The following ARHGAP28 variants were observed in gnomAD, a reference collection of about 807,000 sequenced individuals.
ARHGAP28 encodes the protein Rho GTPase activating protein 28, also known as rho GTPase-activating protein 28.
Under a neutral mutation model 90.7 loss-of-function variants are expected in ARHGAP28, and 56 were observed. That is an observed-to-expected ratio of 0.62 (90% CI 0.50 to 0.77). ARHGAP28 has a LOEUF of 0.77. Ranked by LOEUF, ARHGAP28 falls within the 30% of genes least tolerant of loss-of-function variation. The pLI, the probability that ARHGAP28 is intolerant of heterozygous loss-of-function variation, is 0.00. For missense variants in ARHGAP28, 869 were observed against 900.9 expected (o/e 0.96, Z 0.45); for synonymous variants, 308 against 323.3 (o/e 0.95, Z 0.51).
intron 2 of ARHGAP28, among the ~76,000 whole-genome samples, chr18:6,827,091 C>G (rs1255513684): frequency 6.6e-6 from 1 of 152,198 alleles, no homozygotes. Flanking sequence ...CTACCTCTTT[C>G]TACACAGACA....
At chr18:6,883,304 T>C (rs917650576) in intron 11 of ARHGAP28, among the ~76,000 whole-genome samples, 2 of 151,806 alleles carry the variant, frequency 1.3e-5, no homozygotes, top group Non-Finnish European at 2.9e-5. Context: ...AGTGATGCGA[T>C]CTTGGCTCAC....
At position 6,821,095 on chromosome 18, in the gene ARHGAP28, C is replaced by T. The variant is rs536904435; in HGVS notation, c.123-3667C>T. 2.0e-3 allele frequency among the ~76,000 whole-genome samples: 304 copies of T among 152,136 alleles called. 3 individuals are homozygous for T. The highest frequency in any genetic ancestry group is 7.0e-3 in the African/African-American group (291 of 41,500). ...TCTGAGGGAGCAACATAGATGACAACAGTAATATAAAGGGTAGAGGGAGAA... is the reference window on the plus strand; with the variant it reads ...TCTGAGGGAGCAACATAGATGACAATAGTAATATAAAGGGTAGAGGGAGAA... On this transcript the variant is annotated intron_variant, in intron 1 of 17. Transcript: ENST00000383472.
At chr18:6,816,093 TA>T (rs2056588869) in intron 1 of ARHGAP28, among the ~76,000 whole-genome samples, 1 of 152,096 alleles carries the variant, frequency 6.6e-6, no homozygotes, top group Non-Finnish European at 1.5e-5. Context: ...TCTTTTCCTC[TA>T]AGAGGGATGA....
At chr18:6,762,385 C>T (rs895163778) in intron 1 of ARHGAP28, among the ~76,000 whole-genome samples, 2 of 152,198 alleles carry the variant, frequency 1.3e-5, no homozygotes, top group African/African-American at 4.8e-5. Flanking sequence ...GCCACCACTT[C>T]CCTCTCTAGC....
At chr18:6,891,023 C>T (rs2057261204) in intron 14 of ARHGAP28, among the ~76,000 whole-genome samples, 2 of 152,226 alleles carry the variant, frequency 1.3e-5, no homozygotes, top group Admixed American at 1.3e-4. Context: ...TGTGGAGGCA[C>T]ATAATGCCAA....
rs1045099348 is a variant in ARHGAP28 at position 6,912,224 on chromosome 18, C to A, written c.*70C>A. 1 of 888,226 alleles carries A rather than the reference C, an allele frequency of 1.1e-6. No homozygotes were observed. The highest frequency in any genetic ancestry group is 1.7e-6 in the Non-Finnish European group (1 of 572,046). 55.0% of individuals were successfully genotyped at this position (888,226 alleles called of 1,614,324 possible). Reference sequence around the variant, plus strand: ...ATCCTACATTTTGGTAGGGAAAAAACAACACTGTGTTTGACGTATTTGTTC... The same window carrying A: ...ATCCTACATTTTGGTAGGGAAAAAAAAACACTGTGTTTGACGTATTTGTTC... On this transcript the variant is annotated 3_prime_UTR_variant, in exon 18 of 18. Transcript: ENST00000383472.
chr18:6,902,398 T>A (rs1340114103), intron 16 of ARHGAP28, among the ~76,000 whole-genome samples: 2 of 152,200 alleles, frequency 1.3e-5, no homozygotes, highest in East Asian at 3.8e-4. Context: ...AGTTCTAAAA[T>A]TAAATATTTA....
At chr18:6,796,262 T>C (rs2056440925) in intron 1 of ARHGAP28, among the ~76,000 whole-genome samples, 1 of 152,164 alleles carries the variant, frequency 6.6e-6, no homozygotes, top group Non-Finnish European at 1.5e-5. Context: ...TAAAAATATA[T>C]ACACATCTAT....
chr18:6,831,795 C>T (rs2056718855), intron 2 of ARHGAP28, among the ~76,000 whole-genome samples: 1 of 152,052 alleles, frequency 6.6e-6, no homozygotes, highest in South Asian at 2.1e-4. Context: ...CTTACATATC[C>T]TTGTCATGTT....
At chr18:6,826,683 C>CTTTTTTTTTTTTTTTTTTTTTTT (rs36069648) in intron 2 of ARHGAP28, among the ~76,000 whole-genome samples, 6 of 88,262 alleles carry the variant, frequency 6.8e-5, no homozygotes, top group Non-Finnish European at 8.1e-5. Flanking sequence ...GGATTTTGAG[C>CTTTTTTTTTTTTTTTTTTTTTTT]TTTTTTTTTT....
chr18:6,827,286 T>C, intron 2 of ARHGAP28, among the ~76,000 whole-genome samples: 1 of 149,348 alleles, frequency 6.7e-6, no homozygotes, highest in South Asian at 2.1e-4. Flanking sequence ...GCCCCTCACC[T>C]CCCGGACGGG....
chr18:6,808,137 C>A (rs1464866474), intron 1 of ARHGAP28, among the ~76,000 whole-genome samples: 1 of 152,126 alleles, frequency 6.6e-6, no homozygotes, highest in Non-Finnish European at 1.5e-5. Context: ...CATCTGATAT[C>A]CTCCTATTGG....
At chr18:6,894,028 G>A (rs887462240) in intron 14 of ARHGAP28, among the ~76,000 whole-genome samples, 15 of 151,786 alleles carry the variant, frequency 9.9e-5, no homozygotes, top group South Asian at 2.1e-4. Flanking sequence ...CACCACGCTC[G>A]GCTAATTTTT....
chr18:6,841,158 T>TA (rs1567966356), intron 3 of ARHGAP28, among the ~76,000 whole-genome samples: 1 of 89,440 alleles, frequency 1.1e-5, no homozygotes, highest in African/African-American at 4.2e-5. Context: ...CTCTCCTCTT[T>TA]CTCTCTCTCC....
At chr18:6,909,083 GT>G in intron 17 of ARHGAP28, 59 bp downstream of exon 17, 1 of 972,270 alleles carries the variant, frequency 1.0e-6, no homozygotes, top group Non-Finnish European at 1.6e-6. Flanking sequence ...AAAGAAATAT[GT>G]TGCTATAATC....
rs139734494 is a variant in ARHGAP28 at position 6,818,600 on chromosome 18, C to T, written c.123-6162C>T. 6.5e-3 allele frequency among the ~76,000 whole-genome samples: 985 copies of T among 152,132 alleles called. 4 individuals carry two copies. The highest frequency in any genetic ancestry group is 0.014 in the Middle Eastern group (4 of 294). Reference sequence around the variant, plus strand: ...CAGGGAACCCCGAGAGCTGAGACAGCGAATAACTGGAGGAATGCTACATTA... The same window carrying T: ...CAGGGAACCCCGAGAGCTGAGACAGTGAATAACTGGAGGAATGCTACATTA... On this transcript the variant is annotated intron_variant, in intron 1 of 17. Transcript: ENST00000383472.
At chr18:6,820,743 A>G (rs1033523188) in intron 1 of ARHGAP28, among the ~76,000 whole-genome samples, 1 of 152,252 alleles carries the variant, frequency 6.6e-6, no homozygotes, top group Admixed American at 6.5e-5. Flanking sequence ...CTTTAAAAGG[A>G]TTTAAACAAA....
At chr18:6,903,035 T>C (rs776318318) in intron 16 of ARHGAP28, among the ~76,000 whole-genome samples, 5 of 152,148 alleles carry the variant, frequency 3.3e-5, no homozygotes, top group Non-Finnish European at 7.4e-5. Context: ...TCAAGAACAT[T>C]ATGCTGATGA....
intron 3 of ARHGAP28, among the ~76,000 whole-genome samples, chr18:6,843,197 A>G (rs951101273): frequency 7.2e-5 from 11 of 152,032 alleles, no homozygotes; most frequent in Non-Finnish European, 1.5e-4. Flanking sequence ...AGAAGGCTCC[A>G]AGTGAAATGC....
Sources: allele counts gnomAD v4.1 joint callset (sites outside exome capture counted in the v4.1 genomes callset), GRCh38; gene constraint gnomAD v4.1.1; transcripts MANE v1.5; gene names NCBI Gene and HGNC (gene_info 2026-07-23, HGNC 2026-07-21).